Variants in CSMD1 observed in about 807,000 individuals in gnomAD.
The protein encoded by CSMD1 is CUB and sushi domain-containing protein 1.
A neutral mutation model predicts 417.5 loss-of-function variants in CSMD1; 213 were observed. That is an observed-to-expected ratio of 0.51 (90% CI 0.46 to 0.57). CSMD1 has a LOEUF of 0.57. Among genes scored for constraint, CSMD1 ranks in the 20% least tolerant of loss-of-function variants. The pLI is 0.00. For missense variants in CSMD1, 6,923 were observed against 4,529.7 expected (o/e 1.53, Z -15.17); for synonymous variants, 2,862 against 1,736.8 (o/e 1.65, Z -16.11).
chr8:3,103,010 C>T (rs144169805), intron 46 of CSMD1, among the ~76,000 whole-genome samples: 1 of 152,086 alleles, frequency 6.6e-6, no homozygotes, highest in Non-Finnish European at 1.5e-5. Context: ...TAGCGGGAGA[C>T]AAAACAAGAC....
At chr8:4,709,834 C>A (rs115650235) in intron 1 of CSMD1, among the ~76,000 whole-genome samples, 1 of 151,978 alleles carries the variant, frequency 6.6e-6, no homozygotes, top group African/African-American at 2.4e-5. Flanking sequence ...AGTCGTCCCG[C>A]AGAGTAAAAT....
At chr8:3,374,383 C>T (rs923516311) in intron 18 of CSMD1, among the ~76,000 whole-genome samples, 4 of 152,154 alleles carry the variant, frequency 2.6e-5, no homozygotes, top group Non-Finnish European at 5.9e-5. Flanking sequence ...ATTGATGCTT[C>T]TGGGCATAGA....
At chr8:4,605,522 T>G (rs1563327905) in intron 2 of CSMD1, among the ~76,000 whole-genome samples, 1 of 152,182 alleles carries the variant, frequency 6.6e-6, no homozygotes, top group Non-Finnish European at 1.5e-5. Context: ...GGAAACAGAG[T>G]TAACAGAAAA....
chr8:4,516,000 G>C (rs377414551), intron 2 of CSMD1, among the ~76,000 whole-genome samples: 2 of 152,230 alleles, frequency 1.3e-5, no homozygotes, highest in East Asian at 3.9e-4. Context: ...GATAAGATAA[G>C]ACTTTGGAGT....
chr8:3,838,277 T>C (rs1298660298), intron 5 of CSMD1, among the ~76,000 whole-genome samples: 2 of 152,014 alleles, frequency 1.3e-5, no homozygotes, highest in East Asian at 3.9e-4. Context: ...GGCTCACACC[T>C]GTAACCCCCA....
At chr8:3,329,721 T>C (rs4875193) in intron 23 of CSMD1, among the ~76,000 whole-genome samples, 7,612 of 152,202 alleles carry the variant, frequency 0.05, 413 homozygotes, top group East Asian at 0.25. Context: ...GCAGGACCAG[T>C]GCTAACTGAA....
intron 3 of CSMD1, among the ~76,000 whole-genome samples, chr8:4,415,076 C>T (rs984400942): frequency 1.3e-5 from 2 of 152,052 alleles, no homozygotes; most frequent in South Asian, 2.1e-4. Context: ...GCTTTTTTTG[C>T]AAAGGATCTC....
chr8:3,337,798 G>A (rs910364648), intron 23 of CSMD1, among the ~76,000 whole-genome samples: 45 of 152,128 alleles, frequency 3.0e-4, no homozygotes, highest in African/African-American at 1.1e-3. Context: ...TATTTTATGA[G>A]TCATTAAACA....
At chr8:3,526,430 T>C (rs1015806147) in intron 10 of CSMD1, among the ~76,000 whole-genome samples, 4 of 152,150 alleles carry the variant, frequency 2.6e-5, no homozygotes, top group Non-Finnish European at 5.9e-5. Context: ...AAAGTTAGTA[T>C]GCAGTTTAGA....
intron 26 of CSMD1, among the ~76,000 whole-genome samples, chr8:3,249,161 G>T (rs1800090636): frequency 6.6e-6 from 1 of 152,176 alleles, no homozygotes; most frequent in South Asian, 2.1e-4. Context: ...ATTATAAGCT[G>T]TATCATGATG....
intron 2 of CSMD1, among the ~76,000 whole-genome samples, chr8:4,632,413 G>T (rs1219881427): frequency 6.6e-6 from 1 of 152,138 alleles, no homozygotes; most frequent in South Asian, 2.1e-4. Context: ...TCAGGAGGCT[G>T]AGACAGCAGA....
chr8:3,296,468 G>GAT (rs1803974125), intron 25 of CSMD1, among the ~76,000 whole-genome samples: 1 of 152,168 alleles, frequency 6.6e-6, no homozygotes, highest in South Asian at 2.1e-4. Flanking sequence ...TTTTAAGGAT[G>GAT]ATACACCGAT....
intron 1 of CSMD1, among the ~76,000 whole-genome samples, chr8:4,698,249 T>C (rs1186908754): frequency 2.0e-5 from 3 of 152,098 alleles, no homozygotes; most frequent in East Asian, 3.9e-4. Flanking sequence ...TTAAACATTT[T>C]AGTCAACATG....
intron 5 of CSMD1, among the ~76,000 whole-genome samples, chr8:3,926,108 CACACACACACACA>C (rs1809696218): frequency 2.5e-5 from 2 of 79,158 alleles, no homozygotes; most frequent in Admixed American, 1.3e-4. Flanking sequence ...CACACACACA[CACACACACACACA>C]CACACACACA....
At chr8:3,926,072 A>AC (rs1809662742) in intron 5 of CSMD1, among the ~76,000 whole-genome samples, 2 of 120,292 alleles carry the variant, frequency 1.7e-5, no homozygotes, top group African/African-American at 6.9e-5. Flanking sequence ...ACACACACAC[A>AC]CAAACACCAT....
chr8:4,860,521 G>C (rs377390673), intron 1 of CSMD1, among the ~76,000 whole-genome samples: 62 of 152,092 alleles, frequency 4.1e-4, no homozygotes, highest in African/African-American at 1.4e-3. Context: ...GCTCTCTGAG[G>C]CCTCGCTGGA....
rs368779116 is a variant in CSMD1, at chr8:4,098,129, G to A, written c.416-66030C>T. 3.9e-5 allele frequency among the ~76,000 whole-genome samples: 6 copies of A among 152,140 alleles called. 1 individual carries two copies. The South Asian group carries it at 8.3e-4, about 21-fold the overall frequency. ...AATTAAGATGATCTTTCACTCATCA[G>A]ATTTCATATAAAACCCTTGTAAATT... On this transcript the variant is annotated intron_variant, in intron 3 of 69. Transcript: ENST00000635120.
At chr8:4,183,078 T>C (rs997574544) in intron 3 of CSMD1, among the ~76,000 whole-genome samples, 1 of 152,184 alleles carries the variant, frequency 6.6e-6, no homozygotes, top group African/African-American at 2.4e-5. Context: ...GATGTCACAC[T>C]CATATCACAG....
chr8:4,192,248 G>A (rs947909585), intron 3 of CSMD1, among the ~76,000 whole-genome samples: 5 of 152,108 alleles, frequency 3.3e-5, no homozygotes, highest in Admixed American at 2.0e-4. Context: ...TAGTTCGTTA[G>A]GATTATAAAT....
Sources: allele counts gnomAD v4.1 joint callset (sites outside exome capture counted in the v4.1 genomes callset), GRCh38; gene constraint gnomAD v4.1.1; transcripts MANE v1.5; gene names NCBI Gene and HGNC (gene_info 2026-07-23, HGNC 2026-07-21).